ACP3: variants seen among roughly 807,000 people sequenced by gnomAD.
The protein encoded by ACP3 is prostatic acid phosphatase.
ACP3 carries 38 observed loss-of-function variants against 45.6 expected under a neutral mutation model. The ratio of observed to expected loss-of-function variants is 0.83; its 90% CI spans 0.64 to 1.09. ACP3 has a LOEUF of 1.09. Ranked by LOEUF, ACP3 falls within the 50% of genes least tolerant of loss-of-function variation. ACP3 has a pLI of 0.00. For missense variants in ACP3, 466 were observed against 463.2 expected (o/e 1.01, Z -0.05); for synonymous variants, 162 against 164.7 (o/e 0.98, Z 0.13).
chr3:132,326,975 G>C (rs146584665), intron 1 of ACP3, among the ~76,000 whole-genome samples: 16 of 152,258 alleles, frequency 1.1e-4, no homozygotes, highest in Non-Finnish European at 1.5e-4. Flanking sequence ...ATTATACTGA[G>C]AAAGCATATT....
At position 132,357,031 on chromosome 3, in the gene ACP3, C is replaced by A; in HGVS notation, c.*153C>A. On this transcript the variant is annotated 3_prime_UTR_variant, in exon 10 of 10. Transcript: ENST00000336375. ...AGGGACCCCCAACCTCAGGCAATTC[C>A]TACCTCTTCACCTGACCCTGCCCCC... The A allele has an allele frequency of 7.2e-7, 1 of 1,390,348 alleles. No individual in the cohort carries two copies. Among genetic ancestry groups the A allele is most frequent in the Non-Finnish European group, 9.3e-7 (1 of 1,075,374 alleles). The allele number at this position is 1,390,348 out of a possible 1,614,324, so 86.1% of individuals were successfully genotyped here. A position where few individuals can be genotyped will look rare whatever the true frequency, so the allele number is the denominator to read the frequency against.
chr3:132,351,208 G>A (rs1171715393), intron 8 of ACP3, among the ~76,000 whole-genome samples: 2 of 152,080 alleles, frequency 1.3e-5, no homozygotes. Flanking sequence ...AGGGAAGAAG[G>A]ACTGCAACTC....
intron 5 of ACP3, among the ~76,000 whole-genome samples, chr3:132,339,666 C>T (rs1156635253): frequency 1.3e-5 from 2 of 152,198 alleles, no homozygotes; most frequent in Non-Finnish European, 2.9e-5. Flanking sequence ...AGGAGCTTGC[C>T]TGCCTTCTTC....
chr3:132,362,972 C>T (rs528716577), downstream of ACP3, among the ~76,000 whole-genome samples: 19 of 152,232 alleles, frequency 1.2e-4, no homozygotes, highest in Non-Finnish European at 1.9e-4. Context: ...ATTACCTGTA[C>T]GAGATCTCTT....
chr3:132,367,854 T>C, exon 11 of ACP3: 2 of 1,457,316 alleles, frequency 1.4e-6, no homozygotes, highest in Non-Finnish European at 1.9e-6. Context: ...GCCAACCTCC[T>C]GTGACACAGC....
At chr3:132,344,480 G>T (rs935787061) in intron 6 of ACP3, among the ~76,000 whole-genome samples, 2 of 151,630 alleles carry the variant, frequency 1.3e-5, no homozygotes, top group African/African-American at 4.8e-5. Context: ...CAGCAAACTA[G>T]ACCTTGATGG....
intron 3 of ACP3, 99 bp downstream of exon 3, chr3:132,331,832 A>T: frequency 9.1e-7 from 1 of 1,099,802 alleles, no homozygotes; most frequent in Non-Finnish European, 1.3e-6. Flanking sequence ...AGGAACTTAT[A>T]CAAGTCAGAG....
chr3:132,362,738 G>A (rs1320454073), downstream of ACP3, among the ~76,000 whole-genome samples: 1 of 152,226 alleles, frequency 6.6e-6, no homozygotes, highest in Admixed American at 6.5e-5. Flanking sequence ...AGAGGAGGAT[G>A]TTACAGACAA....
intron 6 of ACP3, among the ~76,000 whole-genome samples, chr3:132,344,107 A>G (rs773574182): frequency 3.3e-5 from 5 of 152,022 alleles, no homozygotes; most frequent in Non-Finnish European, 7.4e-5. Context: ...GCGAAATTTC[A>G]TCTCTACTAA....
At chr3:132,358,880 A>C (rs1365140035), downstream of ACP3, 1 of 983,526 alleles carries the variant, frequency 1.0e-6, no homozygotes, top group South Asian at 4.7e-5. Flanking sequence ...TAGTATAACA[A>C]GATGGAAAAT....
In ACP3 at chr3:132,332,246, C is replaced by G. The variant is rs17850348; in HGVS notation, c.358C>G (p.Leu120Val). The G allele has an allele frequency of 5.0e-5, 81 of 1,614,030 alleles. No individual in the cohort carries two copies. The highest frequency in any genetic ancestry group is 3.8e-4 in the East Asian group (17 of 44,892). The change falls in exon 4 of 10, where the codon CTG (leucine) becomes GTG (valine). Residue 120 changes from leucine (L) to valine (V), a missense_variant. Transcript: ENST00000336375. Reference protein sequence around the residue: ...DRTLMSAMTNLAALFPPEGVS... With the variant: ...DRTLMSAMTNVAALFPPEGVS... ...GACTTTGATGAGTGCTATGACAAAC[C>G]TGGCAGCCCTGTTTCCCCCAGAAGG...
chr3:132,364,385 C>T (rs1395268907), intron 10 of ACP3, among the ~76,000 whole-genome samples: 2 of 151,466 alleles, frequency 1.3e-5, no homozygotes, highest in Admixed American at 6.6e-5. Context: ...ACTGGCCCCC[C>T]ATTTACACAT....
rs1062686 is a variant in ACP3 at position 132,358,784 on chromosome 3, G to C, written c.*1906G>C. 6.5e-5 allele frequency: 64 copies of C among 986,790 alleles called. 2 individuals are homozygous for C. In the East Asian group the frequency reaches 4.9e-3, roughly 76 times the overall value. 61.1% of individuals were successfully genotyped at this position (986,790 alleles called of 1,614,324 possible). A position where few individuals can be genotyped will look rare whatever the true frequency, so the allele number is the denominator to read the frequency against. On this transcript the variant is annotated 3_prime_UTR_variant, in exon 10 of 10. Transcript: ENST00000336375. ...AAGCATTGCTTTTATAATGAACTTA[G>C]AAAAACGTATGTGTGTGTGTTTAAT...
chr3:132,343,305 G>A (rs1286296942), intron 6 of ACP3, among the ~76,000 whole-genome samples: 1 of 152,134 alleles, frequency 6.6e-6, no homozygotes, highest in Non-Finnish European at 1.5e-5. Flanking sequence ...TTCTAACTTT[G>A]AGGTCATCGT....
Position 132,340,129 on chromosome 3 carries a change from C to T in ACP3, c.556-2423C>T, listed in dbSNP as rs370204958. Among the ~76,000 whole-genome samples the T allele has an allele frequency of 2.2e-3, 336 of 152,182 alleles. 1 individual carries two copies. The highest frequency in any genetic ancestry group is 7.2e-3 in the African/African-American group (297 of 41,512). ...AGGAGTTTGAGACCAGCCTGGCCAA[C>T]TTAGTGAAACCCTGTCTCTACTAGA... On this transcript the variant is annotated intron_variant, in intron 5 of 9. Coordinates refer to ENST00000336375, the MANE Select transcript of ACP3 (RefSeq NM_001099.5).
chr3:132,356,435 T>G (rs1280332237), intron 9 of ACP3, among the ~76,000 whole-genome samples: 1 of 152,130 alleles, frequency 6.6e-6, no homozygotes, highest in African/African-American at 2.4e-5. Flanking sequence ...CCACCTCCTC[T>G]GATTTAGCAT....
intron 1 of ACP3, among the ~76,000 whole-genome samples, chr3:132,321,339 G>A (rs1167233902): frequency 2.6e-5 from 4 of 151,852 alleles, no homozygotes; most frequent in South Asian, 2.1e-4. Context: ...AAAAAAGATG[G>A]ACCAGATAAA....
chr3:132,350,688 A>G (rs1185581768), intron 8 of ACP3, among the ~76,000 whole-genome samples: 1 of 152,104 alleles, frequency 6.6e-6, no homozygotes, highest in Non-Finnish European at 1.5e-5. Flanking sequence ...GGAGTGTCAG[A>G]AGTTTATGCT....
intron 1 of ACP3, among the ~76,000 whole-genome samples, chr3:132,326,383 A>G (rs1222717209): frequency 1.3e-5 from 2 of 152,234 alleles, no homozygotes; most frequent in Non-Finnish European, 2.9e-5. Flanking sequence ...TTGTGGAAAG[A>G]GGCATCAATG....
Sources: gnomAD v4.1 joint callset for allele counts (sites outside exome capture counted in the v4.1 genomes callset) on GRCh38, gnomAD v4.1.1 for gene constraint, MANE v1.5 for transcripts, NCBI Gene and HGNC (gene_info 2026-07-23, HGNC 2026-07-21) for gene names.